Variants in ABCB1 observed in about 807,000 individuals in gnomAD.
ABCB1 encodes ATP binding cassette subfamily B member 1, also known as ATP-dependent translocase ABCB1.
Under a neutral mutation model 142.0 loss-of-function variants are expected in ABCB1, and 69 were observed. The observed-to-expected ratio is 0.49, with a 90% CI of 0.40 to 0.59. The LOEUF is 0.59. ABCB1 is among the 20% of genes least tolerant of loss of function. The pLI is 0.00. For missense variants in ABCB1, 1,326 were observed against 1,554.7 expected (o/e 0.85, Z 2.47); for synonymous variants, 532 against 539.2 (o/e 0.99, Z 0.18).
At chr7:87,543,207 T>A (rs1309392950) in intron 17 of ABCB1, among the ~76,000 whole-genome samples, 1 of 152,020 alleles carries the variant, frequency 6.6e-6, no homozygotes, top group Non-Finnish European at 1.5e-5. Flanking sequence ...GGCAGGAGAA[T>A]CGCTTGAACC....
intron 8 of ABCB1, among the ~76,000 whole-genome samples, chr7:87,558,792 A>C (rs1351325367): frequency 6.6e-6 from 1 of 151,950 alleles, no homozygotes; most frequent in Non-Finnish European, 1.5e-5. Context: ...TTTGTCATGA[A>C]TCATATATAA....
At chr7:87,589,800 A>AG (rs1818910611) in intron 3 of ABCB1, among the ~76,000 whole-genome samples, 2 of 135,760 alleles carry the variant, frequency 1.5e-5, no homozygotes, top group East Asian at 2.1e-4. Context: ...AGAGAGAGAG[A>AG]GAGAGGAGAG....
At chr7:87,651,150 A>G (rs531305325) in intron 1 of ABCB1, among the ~76,000 whole-genome samples, 19 of 152,322 alleles carry the variant, frequency 1.2e-4, no homozygotes, top group African/African-American at 4.6e-4. Flanking sequence ...TAATTGCCAC[A>G]TACAAGGAGA....
chr7:87,682,104 T>C (rs906387359), intron 1 of ABCB1, among the ~76,000 whole-genome samples: 2 of 152,228 alleles, frequency 1.3e-5, no homozygotes, highest in Non-Finnish European at 2.9e-5. Flanking sequence ...AACCACTTTC[T>C]TTGCTCATCC....
chr7:87,524,783 A>G (rs867304449), intron 21 of ABCB1, among the ~76,000 whole-genome samples: 71 of 152,186 alleles, frequency 4.7e-4, no homozygotes, highest in African/African-American at 1.5e-3. Flanking sequence ...AGCAAAAAAA[A>G]AAAGAAATAT....
chr7:87,710,614 T>C, intron 1 of ABCB1: 1 of 1,603,752 alleles, frequency 6.2e-7, no homozygotes, highest in South Asian at 1.1e-5. Context: ...AACATTTATC[T>C]GAATACATCT....
At chr7:87,698,188 C>A (rs903220103) in intron 1 of ABCB1, among the ~76,000 whole-genome samples, 3 of 152,208 alleles carry the variant, frequency 2.0e-5, no homozygotes, top group African/African-American at 7.2e-5. Context: ...CAAGCTCCAC[C>A]TCCCGGGTTC....
intron 1 of ABCB1, chr7:87,629,030 G>A (rs1820915605): frequency 8.3e-7 from 1 of 1,207,756 alleles, no homozygotes; most frequent in Non-Finnish European, 1.1e-6. Context: ...GGGGTCCCGG[G>A]CATGATGGGC....
chr7:87,551,839 A>AC (rs1336445709), intron 9 of ABCB1, among the ~76,000 whole-genome samples: 1 of 152,028 alleles, frequency 6.6e-6, no homozygotes, highest in Non-Finnish European at 1.5e-5. Flanking sequence ...TTCAATGTCT[A>AC]GTTTTTTTTT....
chr7:87,571,874 C>A (rs968787446), intron 4 of ABCB1, among the ~76,000 whole-genome samples: 1 of 152,086 alleles, frequency 6.6e-6, no homozygotes, highest in Non-Finnish European at 1.5e-5. Context: ...GACAGGCCAG[C>A]AGATAGGGAG....
chr7:87,570,148 A>G lies in ABCB1; in HGVS notation c.338+24T>C, dbSNP rs200205560. On this transcript the variant is annotated intron_variant, in intron 5 of 27. Transcript: ENST00000622132. ...TTGATGAATATAGAAAAACTTAACA[A>G]TAGTAAGGAGAATGTCTAATTACCT... is the stretch of plus-strand genomic sequence containing the variant. 2.3e-4 allele frequency: 377 copies of G among 1,604,582 alleles called. 1 individual carries two copies. The highest frequency in any genetic ancestry group is 3.0e-4 in the Non-Finnish European group (354 of 1,172,034).
Position 87,549,847 on chromosome 7 carries a change from T to G in ABCB1, c.1554+4A>C, listed in dbSNP as rs1225827272. On this transcript the variant is annotated splice_donor_region_variant and intron_variant, in intron 13 of 27. Coordinates refer to ENST00000622132, the MANE Select transcript of ABCB1 (RefSeq NM_001348946.2). ...TAGAAAGGCAAAGGGCAAGGACAAC[T>G]TACATGAGGCAGTTTCATGATAAAG... is the stretch of plus-strand genomic sequence containing the variant. The G allele has an allele frequency of 6.2e-7, 1 of 1,614,174 alleles. No individual in the cohort carries two copies. Among genetic ancestry groups the G allele is most frequent in the South Asian group, 1.1e-5 (1 of 91,086 alleles).
At position 87,522,167 on chromosome 7, in the gene ABCB1, G is replaced by A. The variant is rs530054945; in HGVS notation, c.2686-1291C>T. On this transcript the variant is annotated intron_variant, in intron 21 of 27. Transcript: ENST00000622132. ...TTTGGTGGCAGCTGTGGTGGTGGTGGATATAGTGGCAGTGGGGATGGCTAT... is the reference window on the plus strand; with the variant it reads ...TTTGGTGGCAGCTGTGGTGGTGGTGAATATAGTGGCAGTGGGGATGGCTAT... 1.2e-5 allele frequency: 17 copies of A among 1,447,550 alleles called. No individual in the cohort carries two copies. In the South Asian group the frequency reaches 1.5e-4, roughly 13 times the overall value. 89.7% of individuals were successfully genotyped at this position (1,447,550 alleles called of 1,614,324 possible).
chr7:87,514,636 C>A (rs925046278), intron 25 of ABCB1, among the ~76,000 whole-genome samples: 3 of 152,128 alleles, frequency 2.0e-5, no homozygotes, highest in African/African-American at 7.2e-5. Flanking sequence ...CAAGTGCTGT[C>A]CTTATTTGCC....
At chr7:87,596,360 A>G (rs1819206340) in intron 2 of ABCB1, among the ~76,000 whole-genome samples, 1 of 152,110 alleles carries the variant, frequency 6.6e-6, no homozygotes, top group Non-Finnish European at 1.5e-5. Context: ...CCTTATAAGC[A>G]AATCTAATTG....
At chr7:87,548,567 A>G (rs1022904132) in intron 14 of ABCB1, among the ~76,000 whole-genome samples, 27 of 152,206 alleles carry the variant, frequency 1.8e-4, no homozygotes, top group Admixed American at 1.8e-3. Flanking sequence ...GTGTTGTTTT[A>G]TTAGAGACAG....
chr7:87,546,502 G>A (rs1018402798), intron 14 of ABCB1, among the ~76,000 whole-genome samples: 6 of 151,372 alleles, frequency 4.0e-5, no homozygotes, highest in African/African-American at 1.5e-4. Flanking sequence ...CTTGCAGTGA[G>A]CCAAGATCGC....
At chr7:87,645,832 G>T (rs58448193) in intron 1 of ABCB1, among the ~76,000 whole-genome samples, 1 of 151,974 alleles carries the variant, frequency 6.6e-6, no homozygotes, top group Non-Finnish European at 1.5e-5. Flanking sequence ...GGGAAGAATC[G>T]GTTAGCTGAA....
chr7:87,523,445 A>G (rs1287434567), intron 21 of ABCB1, among the ~76,000 whole-genome samples: 1 of 152,270 alleles, frequency 6.6e-6, no homozygotes, highest in East Asian at 1.9e-4. Flanking sequence ...CACCATCAAC[A>G]TGGTGAAACC....
Sources: gnomAD v4.1 joint callset for allele counts (sites outside exome capture counted in the v4.1 genomes callset) on GRCh38, gnomAD v4.1.1 for gene constraint, MANE v1.5 for transcripts, NCBI Gene and HGNC (gene_info 2026-07-23, HGNC 2026-07-21) for gene names.